Variants in TSPAN3 observed in about 807,000 individuals in gnomAD.
TSPAN3 encodes tetraspanin 3.
Under a neutral mutation model 31.1 loss-of-function variants are expected in TSPAN3, and 9 were observed. That is an observed-to-expected ratio of 0.29 (90% CI 0.17 to 0.50). The LOEUF (loss-of-function observed/expected upper bound fraction) is 0.50, where lower values mean the gene tolerates loss of function less well. Ranked by LOEUF, TSPAN3 falls within the 20% of genes least tolerant of loss-of-function variation. TSPAN3 has a pLI of 0.98. For synonymous variants in TSPAN3, 129 were observed against 114.3 expected (o/e 1.13, Z -0.82); for missense variants, 252 against 313.5 (o/e 0.80, Z 1.48).
intron 1 of TSPAN3, chr15:77,063,470 T>C (rs900625374): frequency 6.6e-6 from 1 of 152,092 alleles, no homozygotes; most frequent in African/African-American, 2.4e-5. Context: ...ATCTCAGTCT[T>C]ACTTGTAGCT....
At chr15:77,070,584 G>GGC (rs1000694385) in intron 1 of TSPAN3, among the ~76,000 whole-genome samples, 3 of 150,820 alleles carry the variant, frequency 2.0e-5, no homozygotes, top group Non-Finnish European at 4.4e-5. Flanking sequence ...GGCGACTCCG[G>GGC]GGGGGGGAGA....
In TSPAN3 at chr15:77,054,294, A is replaced by G; in HGVS notation, c.331-15T>C. On this transcript the variant is annotated splice_polypyrimidine_tract_variant and intron_variant, in intron 3 of 6. Transcript: ENST00000267970. ...TCATTTTCCACCTGAATCAGAACAA[A>G]GAATTCAGTCCCTCAAAAATACTAG... 6.4e-7 allele frequency: 1 copy of G among 1,567,736 alleles called. No individual in the cohort carries two copies. Among genetic ancestry groups the G allele is most frequent in the Non-Finnish European group, 8.8e-7 (1 of 1,138,364 alleles).
chr15:77,060,766 A>G (rs1324648906), intron 1 of TSPAN3, among the ~76,000 whole-genome samples: 2 of 152,202 alleles, frequency 1.3e-5, no homozygotes, highest in Non-Finnish European at 2.9e-5. Flanking sequence ...AAGCAGCTGA[A>G]CTGCTTTAGT....
intron 1 of TSPAN3, among the ~76,000 whole-genome samples, chr15:77,058,276 CCAAGCTATTCCTCCTTTT>C (rs2076780570): frequency 6.6e-6 from 1 of 152,184 alleles, no homozygotes; most frequent in Non-Finnish European, 1.5e-5. Flanking sequence ...CCCCGATGAA[CCAAGCTATTCCTCCTTTT>C]CAGCCCCAGA....
intron 1 of TSPAN3, among the ~76,000 whole-genome samples, chr15:77,062,730 C>T (rs930966415): frequency 6.6e-6 from 1 of 152,144 alleles, no homozygotes; most frequent in African/African-American, 2.4e-5. Flanking sequence ...GTCAGAAACA[C>T]AGATTTGTGT....
At chr15:77,066,864 A>G (rs1001167266) in intron 1 of TSPAN3, among the ~76,000 whole-genome samples, 11 of 152,092 alleles carry the variant, frequency 7.2e-5, no homozygotes, top group African/African-American at 2.4e-4. Flanking sequence ...TAATTTAAGA[A>G]ATTTTTTTAC....
chr15:77,047,038 T>C (rs758764147), intron 6 of TSPAN3, 111 bp from the exon 7 acceptor site: 2 of 764,210 alleles, frequency 2.6e-6, no homozygotes, highest in African/African-American at 3.5e-5. Context: ...CTTCAAATCA[T>C]CAAAAAGGCA....
At chr15:77,047,005 A>G (rs1286126420) in intron 6 of TSPAN3, 78 bp from the exon 7 acceptor site, 9 of 1,206,724 alleles carry the variant, frequency 7.5e-6, no homozygotes, top group Non-Finnish European at 1.1e-5. Context: ...TGTTGGTAAA[A>G]GAGCTGTTTC....
chr15:77,044,995 A>G lies in TSPAN3; in HGVS notation c.*1840T>C, dbSNP rs1308964642. 2.0e-5 allele frequency: 3 copies of G among 152,068 alleles called. No homozygotes were observed. Among genetic ancestry groups the G allele is most frequent in the Non-Finnish European group, 4.4e-5 (3 of 68,020 alleles). 9.4% of individuals were successfully genotyped at this position (152,068 alleles called of 1,614,324 possible). A position where few individuals can be genotyped will look rare whatever the true frequency, so the allele number is the denominator to read the frequency against. On this transcript the variant is annotated 3_prime_UTR_variant, in exon 7 of 7. Coordinates refer to ENST00000267970, the MANE Select transcript of TSPAN3 (RefSeq NM_005724.6). Reference sequence around the variant, plus strand: ...CTGAAATCACATTCTGGTAACTTCCACTTTGTGAAAAGGAGTTAGTTTTTA... The same window carrying G: ...CTGAAATCACATTCTGGTAACTTCCGCTTTGTGAAAAGGAGTTAGTTTTTA...
intron 6 of TSPAN3, among the ~76,000 whole-genome samples, chr15:77,050,900 G>C (rs909096508): frequency 1.3e-5 from 2 of 152,178 alleles, no homozygotes; most frequent in Admixed American, 1.3e-4. Context: ...CTGAATATCA[G>C]CAAAGTAAAC....
chr15:77,055,439 G>T (rs930147112), intron 3 of TSPAN3: 2 of 178,130 alleles, frequency 1.1e-5, no homozygotes, highest in African/African-American at 4.8e-5. Context: ...AATGGAAAAC[G>T]CAATTCTGAG....
At chr15:77,064,764 A>G (rs1210094199) in intron 1 of TSPAN3, 1 of 152,278 alleles carries the variant, frequency 6.6e-6, no homozygotes, top group Non-Finnish European at 1.5e-5. Context: ...ATGAAAAAGC[A>G]AAGTTAGCTG....
At position 77,052,788 on chromosome 15, in the gene TSPAN3, G is replaced by C. The variant is rs777820738; in HGVS notation, c.574C>G (p.Leu192Val). The C allele has an allele frequency of 2.5e-6, 4 of 1,614,088 alleles. No individual in the cohort carries two copies. The South Asian group carries it at 4.4e-5, about 18-fold the overall frequency. The stretch of plus-strand genomic sequence containing the variant: ...GCCAAGAGACTCACCTCAGCATAGA[G>C]GTCGGAAGGGTGGGCCAGGCTGCCA... The part of the protein sequence containing the change: ...CNGSLAHPSD[L>V]YAEGCEALVV... Residue 192 changes from leucine (L) to valine (V), a missense_variant, in exon 5 of 7, where the codon CTC becomes GTC. By Grantham distance (32) the Leu-to-Val change is conservative. Transcript: ENST00000267970.
At chr15:77,060,266 C>T (rs530758378) in intron 1 of TSPAN3, among the ~76,000 whole-genome samples, 5 of 152,258 alleles carry the variant, frequency 3.3e-5, no homozygotes, top group East Asian at 3.9e-4. Context: ...TATAAATAGA[C>T]GATGTGTTTC....
At chr15:77,060,988 G>C (rs1019916892) in intron 1 of TSPAN3, among the ~76,000 whole-genome samples, 16 of 152,114 alleles carry the variant, frequency 1.1e-4, no homozygotes, top group African/African-American at 3.6e-4. Context: ...AACTTTAGGA[G>C]AGCCAGTGCT....
chr15:77,057,130 T>C (rs1005684999), intron 1 of TSPAN3, among the ~76,000 whole-genome samples: 24 of 152,352 alleles, frequency 1.6e-4, no homozygotes, highest in African/African-American at 4.6e-4. Context: ...TCTTACTTTC[T>C]CCGCTATTGT....
chr15:77,059,928 G>A (rs904680783), intron 1 of TSPAN3, among the ~76,000 whole-genome samples: 5 of 152,124 alleles, frequency 3.3e-5, no homozygotes, highest in African/African-American at 1.2e-4. Context: ...TTCCTCTGCT[G>A]CCACTGCCTC....
chr15:77,053,313 T>C (rs568212388), intron 4 of TSPAN3, among the ~76,000 whole-genome samples: 2 of 151,824 alleles, frequency 1.3e-5, no homozygotes, highest in South Asian at 2.1e-4. Flanking sequence ...CTGACCAACA[T>C]GGTGAAACCC....
chr15:77,047,340 G>A (rs1215692177), intron 6 of TSPAN3, among the ~76,000 whole-genome samples: 1 of 152,224 alleles, frequency 6.6e-6, no homozygotes, highest in Non-Finnish European at 1.5e-5. Flanking sequence ...TAATTTAAAT[G>A]TAGACACATG....
Sources: gnomAD v4.1 joint callset for allele counts (sites outside exome capture counted in the v4.1 genomes callset) on GRCh38, gnomAD v4.1.1 for gene constraint, MANE v1.5 for transcripts, NCBI Gene and HGNC (gene_info 2026-07-23, HGNC 2026-07-21) for gene names.